The following CTCF variants were observed in gnomAD, a reference collection of about 807,000 sequenced individuals.
The protein encoded by CTCF is CCCTC-binding factor.
CTCF carries 7 observed loss-of-function variants against 72.3 expected under a neutral mutation model. The ratio of observed to expected loss-of-function variants is 0.10; its 90% CI spans 0.06 to 0.18. The LOEUF is 0.18. Ranked by LOEUF, CTCF falls within the 10% of genes least tolerant of loss-of-function variation. The pLI is 1.00. For synonymous variants in CTCF, 374 were observed against 315.8 expected (o/e 1.18, Z -1.95); for missense variants, 516 against 949.1 (o/e 0.54, Z 6.00).
At chr16:67,609,443 C>G (rs1052192029) in intron 2 of CTCF, among the ~76,000 whole-genome samples, 3 of 152,230 alleles carry the variant, frequency 2.0e-5, no homozygotes, top group African/African-American at 4.8e-5. Context: ...TTAATATCAT[C>G]AGATATCCAG....
rs144636108 is a variant in CTCF, at chr16:67,590,279, G to C, written c.-10+19015G>C. ...GCCATTACAAATATTTTATTAGTAC[G>C]TATTTCCTAGATTCAAAGCTTCAGT... On this transcript the variant is annotated intron_variant, in intron 2 of 11. Coordinates refer to ENST00000264010, the MANE Select transcript of CTCF (RefSeq NM_006565.4). Among the ~76,000 whole-genome samples the C allele has an allele frequency of 1.1e-3, 161 of 151,986 alleles. 4 individuals carry two copies. The East Asian group carries it at 0.028, about 27-fold the overall frequency.
intron 10 of CTCF, among the ~76,000 whole-genome samples, chr16:67,634,040 G>A (rs958150912): frequency 2.0e-5 from 3 of 152,184 alleles, no homozygotes; most frequent in South Asian, 2.1e-4. Context: ...TATTCAAGTC[G>A]ATTTGCTTCA....
intron 2 of CTCF, among the ~76,000 whole-genome samples, chr16:67,601,342 GTTT>G (rs1280954700): frequency 2.4e-5 from 3 of 122,668 alleles, no homozygotes; most frequent in Admixed American, 8.8e-5. Flanking sequence ...TGTGTGTTTT[GTTT>G]TGTTTTTTTT....
intron 2 of CTCF, among the ~76,000 whole-genome samples, chr16:67,586,985 A>G (rs1011101904): frequency 6.6e-6 from 1 of 151,840 alleles, no homozygotes; most frequent in Non-Finnish European, 1.5e-5. Context: ...TGTAAAGACA[A>G]GGTTTTGCCA....
Position 67,562,552 on chromosome 16 carries a change from C to A in CTCF, c.-299C>A, listed in dbSNP as rs1267401471. The stretch of plus-strand genomic sequence containing the variant: ...ACGCAGGCGCACTGCACCGCGCCGC[C>A]GCCATTTTGTGTCTGAGCCTGTGGA... On this transcript the variant is annotated 5_prime_UTR_variant, in exon 1 of 12. Transcript: ENST00000264010. 4 of 151,900 alleles carry A rather than the reference C, an allele frequency of 2.6e-5. No homozygotes were observed. Among genetic ancestry groups the A allele is most frequent in the African/African-American group, 9.7e-5 (4 of 41,376 alleles). The allele number at this position is 151,900 out of a possible 1,614,324, so 9.4% of individuals were successfully genotyped here. A position where few individuals can be genotyped will look rare whatever the true frequency, so the allele number is the denominator to read the frequency against.
At chr16:67,613,661 A>G (rs902477424) in intron 4 of CTCF, among the ~76,000 whole-genome samples, 14 of 152,304 alleles carry the variant, frequency 9.2e-5, no homozygotes, top group African/African-American at 3.1e-4. Context: ...CTGTAAACCC[A>G]GCTACTTGGG....
intron 2 of CTCF, among the ~76,000 whole-genome samples, chr16:67,578,881 G>A (rs2051540666): frequency 6.6e-6 from 1 of 151,728 alleles, no homozygotes; most frequent in Non-Finnish European, 1.5e-5. Flanking sequence ...CCGGGAAGTG[G>A]AGGTTGCAGT....
Position 67,612,106 on chromosome 16 carries a change from C to G in CTCF, c.937C>G (p.Leu313Val). The part of the protein sequence containing the change: ...FRTVTLLRNH[L>V]NTHTGTRPHK... ...AACAGTCACCCTCCTGAGGAATCAC[C>G]TTAACACACACACAGGTGCTGGATA... Residue 313 changes from leucine to valine, a missense_variant, in exon 4 of 12, where the codon CTT becomes GTT. Leu to Val is a conservative substitution (Grantham distance 32). This residue lies in a region of CTCF where 70 missense variants were observed against 290.1 expected (regional missense o/e 0.24). Transcript: ENST00000264010. The G allele has an allele frequency of 6.2e-7, 1 of 1,613,642 alleles. No individual in the cohort carries two copies. The highest frequency in any genetic ancestry group is 8.5e-7 in the Non-Finnish European group (1 of 1,179,816).
chr16:67,598,602 G>C (rs2142783522), intron 2 of CTCF, among the ~76,000 whole-genome samples: 1 of 152,282 alleles, frequency 6.6e-6, no homozygotes, highest in Non-Finnish European at 1.5e-5. Context: ...GTTTCACAAT[G>C]AAAGAAAAAA....
intron 2 of CTCF, among the ~76,000 whole-genome samples, chr16:67,603,643 G>A (rs2051928729): frequency 6.6e-6 from 1 of 151,860 alleles, no homozygotes; most frequent in Admixed American, 6.6e-5. Context: ...GGCTAACACG[G>A]TGAAACCCCG....
Position 67,629,553 on chromosome 16 carries a change from A to T in CTCF, c.1837+20A>T, listed in dbSNP as rs962729713. ...ACAGTGGTAAGTGACTTGTTCCTTG[A>T]TTTGCTTACTATGGCAGGCTTTGGA... On this transcript the variant is annotated intron_variant, in intron 10 of 11. Transcript: ENST00000264010. 4 of 1,610,972 alleles carry T rather than the reference A, an allele frequency of 2.5e-6. No individual in the cohort carries two copies. In the African/African-American group the frequency reaches 5.4e-5, roughly 22 times the overall value.
intron 6 of CTCF, 59 bp from the exon 7 acceptor site, chr16:67,621,383 A>T: frequency 7.7e-7 from 1 of 1,294,350 alleles, no homozygotes; most frequent in South Asian, 1.3e-5. Context: ...GTTACCCTCC[A>T]GTTAAATTAC....
intron 6 of CTCF, 175 bp downstream of exon 6, chr16:67,620,992 C>A: frequency 2.0e-6 from 1 of 493,608 alleles, no homozygotes; most frequent in Non-Finnish European, 3.3e-6. Context: ...TCAGAAAACA[C>A]ATTAGAAAAT....
intron 10 of CTCF, among the ~76,000 whole-genome samples, chr16:67,632,782 C>T (rs1263264178): frequency 6.6e-6 from 1 of 152,182 alleles, no homozygotes; most frequent in Non-Finnish European, 1.5e-5. Flanking sequence ...CTATATATTC[C>T]CCACGTTTTC....
chr16:67,619,803 C>T (rs772678022), intron 5 of CTCF, among the ~76,000 whole-genome samples: 2 of 152,060 alleles, frequency 1.3e-5, no homozygotes, highest in Non-Finnish European at 2.9e-5. Flanking sequence ...AGGCTGGTCT[C>T]GAACTCCTGA....
intron 2 of CTCF, among the ~76,000 whole-genome samples, chr16:67,602,944 G>C (rs1224469253): frequency 6.6e-6 from 1 of 152,014 alleles, no homozygotes; most frequent in African/African-American, 2.4e-5. Flanking sequence ...GGTGGGACCT[G>C]AAGTTCTGTG....
chr16:67,625,547 A>G (rs1597724422), intron 7 of CTCF, among the ~76,000 whole-genome samples: 1 of 152,220 alleles, frequency 6.6e-6, no homozygotes, highest in Admixed American at 6.5e-5. Context: ...TTTTAATTCT[A>G]CTTTTTGCCT....
At chr16:67,637,111 T>C (rs548849437) in intron 11 of CTCF, among the ~76,000 whole-genome samples, 9 of 152,304 alleles carry the variant, frequency 5.9e-5, no homozygotes, top group Admixed American at 5.9e-4. Context: ...GTACTGTTAA[T>C]GTGGGCGGGT....
chr16:67,628,594 A>G (rs371741897), intron 9 of CTCF, 42 bp downstream of exon 9: 2 of 1,592,564 alleles, frequency 1.3e-6, no homozygotes, highest in Non-Finnish European at 1.7e-6. Flanking sequence ...GATACTGAAT[A>G]TTGGATTTTT....
Sources: gnomAD v4.1 joint callset for allele counts (sites outside exome capture counted in the v4.1 genomes callset) on GRCh38, gnomAD v4.1.1 for gene constraint, gnomAD v4.1.1 regional missense constraint, MANE v1.5 for transcripts, NCBI Gene and HGNC (gene_info 2026-07-23, HGNC 2026-07-21) for gene names.